RAD52: variants seen among roughly 807,000 people sequenced by gnomAD.
RAD52 encodes the protein DNA repair protein RAD52 homolog.
RAD52 carries 47 observed loss-of-function variants against 55.5 expected under a neutral mutation model. The ratio of observed to expected loss-of-function variants is 0.85; its 90% CI spans 0.67 to 1.08. RAD52 has a LOEUF of 1.08. Among genes scored for constraint, RAD52 ranks in the 50% least tolerant of loss-of-function variants. RAD52 has a pLI of 0.00. For missense variants in RAD52, 468 were observed against 522.8 expected (o/e 0.90, Z 1.02); for synonymous variants, 184 against 198.9 (o/e 0.92, Z 0.63).
At chr12:916,194 G>T in intron 9 of RAD52, 150 bp downstream of exon 9, 1 of 1,411,990 alleles carries the variant, frequency 7.1e-7, no homozygotes. Context: ...GAATTTCCTG[G>T]GCTCATCTCT....
At chr12:918,774 A>G (rs955767870) in intron 7 of RAD52, among the ~76,000 whole-genome samples, 5 of 151,928 alleles carry the variant, frequency 3.3e-5, no homozygotes, top group Non-Finnish European at 7.4e-5. Context: ...AGTGACTGCA[A>G]GGAACACAGC....
At chr12:965,953 G>T (rs1352896244) in intron 1 of RAD52, among the ~76,000 whole-genome samples, 1 of 151,836 alleles carries the variant, frequency 6.6e-6, no homozygotes. Flanking sequence ...CAAAGTGCTG[G>T]GATTACAGGC....
At position 971,735 on chromosome 12, in the gene RAD52, G is replaced by GT. The variant is rs1477631523; in HGVS notation, c.-19+18073dup. On this transcript the variant is annotated intron_variant, in intron 1 of 11. Coordinates refer to the RAD52 transcript ENST00000430095. ...ATGATACTCTCCACATAATTGCTTT[G>GT]TTTTTGAAAGCTATTTGGAATTTTT... Among the ~76,000 whole-genome samples, 10 of 152,000 alleles carry GT rather than the reference G, an allele frequency of 6.6e-5. 1 individual carries two copies. Among genetic ancestry groups the GT allele is most frequent in the Admixed American group, 6.6e-4 (10 of 15,248 alleles).
At position 913,404 on chromosome 12, in the gene RAD52, T is replaced by A; in HGVS notation, c.1244A>T (p.Tyr415Phe). Residue 415 changes from tyrosine to phenylalanine, a missense_variant, in exon 12 of 12, where the codon TAT becomes TTT. By Grantham distance (22) the Tyr-to-Phe change is conservative. Coordinates refer to ENST00000358495, the MANE Select transcript of RAD52 (RefSeq NM_134424.4). ...RKSQDMKKRK[Y>F]DPS is the part of the protein sequence containing the mutation. ...CCTGAGCCTCAGTTAAGATGGATCA[T>A]ATTTCCTTTTCTTCATGTCCTGGCT... The A allele has an allele frequency of 6.2e-7, 1 of 1,607,364 alleles. No individual in the cohort carries two copies. Among genetic ancestry groups the A allele is most frequent in the Non-Finnish European group, 8.5e-7 (1 of 1,173,908 alleles).
chr12:913,270 A>G lies in RAD52; in HGVS notation c.*121T>C, dbSNP rs1956191772. 3 of 808,012 alleles carry G rather than the reference A, an allele frequency of 3.7e-6. No individual in the cohort carries two copies. Among genetic ancestry groups the G allele is most frequent in the East Asian group, 2.5e-5 (1 of 40,752 alleles). The allele number at this position is 808,012 out of a possible 1,614,324, so 50.1% of individuals were successfully genotyped here. A position where few individuals can be genotyped will look rare whatever the true frequency, so the allele number is the denominator to read the frequency against. ...TCAGATCCTCTTGATAAGGTTCAGA[A>G]TGAAGCAAGATAAATCGCAATGACG... is the stretch of plus-strand genomic sequence containing the variant. On this transcript the variant is annotated 3_prime_UTR_variant, in exon 12 of 12. Coordinates refer to ENST00000358495, the MANE Select transcript of RAD52 (RefSeq NM_134424.4).
chr12:987,813 T>C (rs1270636055), intron 1 of RAD52, among the ~76,000 whole-genome samples: 1 of 152,238 alleles, frequency 6.6e-6, no homozygotes, highest in Non-Finnish European at 1.5e-5. Context: ...CTGCCTGCCT[T>C]GGCCTCCTAA....
upstream of RAD52, among the ~76,000 whole-genome samples, chr12:953,520 C>T (rs758303984): frequency 1.3e-5 from 2 of 152,164 alleles, no homozygotes; most frequent in African/African-American, 2.4e-5. Flanking sequence ...AGTGATTCCA[C>T]TCCTGTGTAC....
In RAD52 at chr12:913,053, A is replaced by G; in HGVS notation, c.*338T>C. On this transcript the variant is annotated 3_prime_UTR_variant, in exon 12 of 12. Coordinates refer to ENST00000358495, the MANE Select transcript of RAD52 (RefSeq NM_134424.4). ...AGGTGCTTAGGACCAAGTCTGGCCTATATTGCTTGAGGGCAAGGAGCCATT... is the reference window on the plus strand; with the variant it reads ...AGGTGCTTAGGACCAAGTCTGGCCTGTATTGCTTGAGGGCAAGGAGCCATT... 1 of 225,070 alleles carries G rather than the reference A, an allele frequency of 4.4e-6. No homozygotes were observed. Among genetic ancestry groups the G allele is most frequent in the East Asian group, 6.5e-5 (1 of 15,396 alleles). The allele number at this position is 225,070 out of a possible 1,614,324, so 13.9% of individuals were successfully genotyped here.
intron 1 of RAD52, among the ~76,000 whole-genome samples, chr12:989,115 G>T (rs2154122431): frequency 6.6e-6 from 1 of 152,244 alleles, no homozygotes; most frequent in Middle Eastern, 3.4e-3. Context: ...CCTAGATATT[G>T]TATCTGAGAT....
intron 1 of RAD52, among the ~76,000 whole-genome samples, chr12:985,149 TA>T (rs1474922318): frequency 6.6e-6 from 1 of 152,170 alleles, no homozygotes; most frequent in Non-Finnish European, 1.5e-5. Context: ...CAATTAATTT[TA>T]TTTTTTTGGA....
chr12:972,461 T>G (rs748199836), intron 1 of RAD52, among the ~76,000 whole-genome samples: 15 of 151,704 alleles, frequency 9.9e-5, no homozygotes, highest in Non-Finnish European at 1.9e-4. Flanking sequence ...CAGAAAACTG[T>G]GCCCATTAGA....
At chr12:989,474 T>C (rs1959144626) in intron 1 of RAD52, among the ~76,000 whole-genome samples, 1 of 152,194 alleles carries the variant, frequency 6.6e-6, no homozygotes, top group African/African-American at 2.4e-5. Context: ...CTCGGTTAGC[T>C]AGCTTTAATC....
At chr12:939,822 A>G (rs905437631) in intron 1 of RAD52, among the ~76,000 whole-genome samples, 1 of 152,194 alleles carries the variant, frequency 6.6e-6, no homozygotes, top group African/African-American at 2.4e-5. Flanking sequence ...CATGCCTGTA[A>G]TCCCAGCACT....
At chr12:971,367 T>C (rs1264644146) in intron 1 of RAD52, among the ~76,000 whole-genome samples, 1 of 152,012 alleles carries the variant, frequency 6.6e-6, no homozygotes, top group Admixed American at 6.6e-5. Flanking sequence ...ATAACTAAGA[T>C]ATAAAGATAA....
At chr12:929,945 C>T in intron 4 of RAD52, 59 bp from the exon 5 acceptor site, 1 of 1,576,318 alleles carries the variant, frequency 6.3e-7, no homozygotes, top group Non-Finnish European at 8.7e-7. Flanking sequence ...CACAACCATT[C>T]CTCCTGCTGG....
At chr12:979,421 A>T (rs921749564) in intron 1 of RAD52, among the ~76,000 whole-genome samples, 2 of 152,104 alleles carry the variant, frequency 1.3e-5, no homozygotes, top group African/African-American at 4.8e-5. Context: ...AGCCTGGGCA[A>T]CAGTGAGACT....
At chr12:937,111 G>A (rs1181046746) in intron 1 of RAD52, among the ~76,000 whole-genome samples, 1 of 152,166 alleles carries the variant, frequency 6.6e-6, no homozygotes, top group Non-Finnish European at 1.5e-5. Flanking sequence ...TACAGAAGCT[G>A]AGGGGTCCGT....
At chr12:916,122 C>A (rs190537231) in intron 9 of RAD52, 1 of 1,247,658 alleles carries the variant, frequency 8.0e-7, no homozygotes, top group East Asian at 3.1e-5. Flanking sequence ...CTTAGTTCCA[C>A]GGGGGAAAAA....
chr12:978,319 C>T (rs1036662073), intron 1 of RAD52, among the ~76,000 whole-genome samples: 4 of 152,156 alleles, frequency 2.6e-5, no homozygotes, highest in Non-Finnish European at 5.9e-5. Context: ...TCCCACAGTG[C>T]TGGGATTACA....
Sources: allele counts gnomAD v4.1 joint callset (sites outside exome capture counted in the v4.1 genomes callset), GRCh38; gene constraint gnomAD v4.1.1; transcripts MANE v1.5; gene names NCBI Gene and HGNC (gene_info 2026-07-23, HGNC 2026-07-21).